STON2: variants seen among roughly 807,000 people sequenced by gnomAD.
STON2 encodes the protein stonin 2.
STON2 carries 29 observed loss-of-function variants against 65.7 expected under a neutral mutation model. The observed-to-expected ratio is 0.44, with a 90% CI of 0.33 to 0.60. The LOEUF is 0.60. Among genes scored for constraint, STON2 ranks in the 20% least tolerant of loss-of-function variants. The probability of loss-of-function intolerance (pLI) is 0.03; values close to 1 mark genes in which losing one functional copy is unlikely to be tolerated. For missense variants in STON2, 1,054 were observed against 1,118.1 expected (o/e 0.94, Z 0.82); for synonymous variants, 404 against 414.2 (o/e 0.98, Z 0.30).
intron 2 of STON2, among the ~76,000 whole-genome samples, chr14:81,424,973 A>T (rs1901895749): frequency 6.6e-6 from 1 of 152,232 alleles, no homozygotes; most frequent in Non-Finnish European, 1.5e-5. Flanking sequence ...ACTGTTACAT[A>T]CATTTGGTCC....
intron 4 of STON2, among the ~76,000 whole-genome samples, chr14:81,358,337 T>C (rs565818877): frequency 3.3e-5 from 5 of 152,266 alleles, no homozygotes; most frequent in Middle Eastern, 6.8e-3. Flanking sequence ...CAACTTGAAA[T>C]AGGCGATCTG....
intron 5 of STON2, among the ~76,000 whole-genome samples, chr14:81,294,186 A>C (rs1895672602): frequency 6.6e-6 from 1 of 152,184 alleles, no homozygotes; most frequent in African/African-American, 2.4e-5. Context: ...TTGAGCAAAA[A>C]TATTTCAGTT....
chr14:81,262,443 T>C lies in STON2; in HGVS notation c.*5971A>G. ...CCATCTATCCCTTTTTACTATGCAATCTTTATTTTTCCTGGAGCTTCTTAC... is the reference window on the plus strand; with the variant it reads ...CCATCTATCCCTTTTTACTATGCAACCTTTATTTTTCCTGGAGCTTCTTAC... On this transcript the variant is annotated 3_prime_UTR_variant, in exon 8 of 8. Transcript: ENST00000614646. The C allele has an allele frequency of 1.0e-6, 1 of 985,350 alleles. No homozygotes were observed. The highest frequency in any genetic ancestry group is 1.2e-6 in the Non-Finnish European group (1 of 829,816). 61.0% of individuals were successfully genotyped at this position (985,350 alleles called of 1,614,324 possible).
intron 5 of STON2, among the ~76,000 whole-genome samples, chr14:81,279,014 T>C (rs1178286665): frequency 6.6e-6 from 1 of 152,232 alleles, no homozygotes; most frequent in African/African-American, 2.4e-5. Context: ...TTGCAATTTA[T>C]ATACTCTTCC....
At chr14:81,298,423 G>A (rs1049146105) in intron 5 of STON2, among the ~76,000 whole-genome samples, 1 of 72,980 alleles carries the variant, frequency 1.4e-5, no homozygotes, top group Non-Finnish European at 3.1e-5. Context: ...ATGGGGGGGG[G>A]GAATCACAGA....
chr14:81,332,485 T>C (rs1256518245), intron 4 of STON2, among the ~76,000 whole-genome samples: 6 of 152,214 alleles, frequency 3.9e-5, no homozygotes, highest in African/African-American at 1.4e-4. Flanking sequence ...GGGATAGAAA[T>C]TCCTGGGAAG....
intron 4 of STON2, among the ~76,000 whole-genome samples, chr14:81,328,809 C>T (rs1269701933): frequency 6.6e-6 from 1 of 152,026 alleles, no homozygotes; most frequent in Non-Finnish European, 1.5e-5. Context: ...CCGGCACCTC[C>T]CCTCTCACTC....
At chr14:81,410,278 CAAAAAAAAAAA>C (rs1161157573) in intron 2 of STON2, among the ~76,000 whole-genome samples, 38 of 45,796 alleles carry the variant, frequency 8.3e-4, no homozygotes, top group Non-Finnish European at 1.7e-3. Flanking sequence ...TAACTCTAAC[CAAAAAAAAAAA>C]AAAAAAAAAA....
intron 2 of STON2, among the ~76,000 whole-genome samples, chr14:81,421,567 G>T (rs1028076617): frequency 6.6e-6 from 1 of 152,226 alleles, no homozygotes; most frequent in Non-Finnish European, 1.5e-5. Context: ...TGTTTTTACA[G>T]CCATTTAGGA....
chr14:81,309,907 A>C (rs79033964), intron 5 of STON2, among the ~76,000 whole-genome samples: 1,714 of 152,314 alleles, frequency 0.011, 43 homozygotes, highest in African/African-American at 0.04. Flanking sequence ...GCTTTCAAAC[A>C]GTTTTATGTT....
intron 4 of STON2, among the ~76,000 whole-genome samples, chr14:81,337,602 G>A (rs976231231): frequency 6.6e-6 from 1 of 152,176 alleles, no homozygotes; most frequent in African/African-American, 2.4e-5. Context: ...CATGAATGGA[G>A]TGAGGGAGTG....
intron 2 of STON2, among the ~76,000 whole-genome samples, chr14:81,396,411 A>G (rs901326738): frequency 6.6e-6 from 1 of 152,230 alleles, no homozygotes; most frequent in Non-Finnish European, 1.5e-5. Context: ...GCAGGCAGAG[A>G]CTAGGAGCCT....
At position 81,276,989 on chromosome 14, in the gene STON2, G is replaced by T; in HGVS notation, c.2493C>A (p.Val831=). The T allele has an allele frequency of 6.2e-7, 1 of 1,614,210 alleles. No individual in the cohort carries two copies. Among genetic ancestry groups the T allele is most frequent in the Non-Finnish European group, 8.5e-7 (1 of 1,180,040 alleles). ...GSTSVSGSEP[V]MRVTLGTAKY... is the part of the protein sequence containing the mutation. ...TGGCAGTTCCCAGAGTTACTCTCATGACAGGCTCAGAGCCAGAAACACTAG... is the reference window on the plus strand; with the variant it reads ...TGGCAGTTCCCAGAGTTACTCTCATTACAGGCTCAGAGCCAGAAACACTAG... Residue 831 remains valine, a synonymous_variant, in exon 6 of 8, where the codon GTC becomes GTA. Transcript: ENST00000614646.
Position 81,298,338 on chromosome 14 carries a change from T to G in STON2, c.743-19599A>C, listed in dbSNP as rs916245225. On this transcript the variant is annotated intron_variant, in intron 5 of 7. Transcript: ENST00000614646. ...TATCTCCAATCCCTATTCCACATCC[T>G]AGGGCTGTCATCCACAGACTAGTCT... is the stretch of plus-strand genomic sequence containing the variant. 2.0e-5 allele frequency among the ~76,000 whole-genome samples: 3 copies of G among 149,058 alleles called. No individual in the cohort carries two copies. The Admixed American group carries it at 2.0e-4, about 10-fold the overall frequency.
At chr14:81,390,653 C>G (rs1181381048) in intron 3 of STON2, among the ~76,000 whole-genome samples, 2 of 152,248 alleles carry the variant, frequency 1.3e-5, no homozygotes, top group Non-Finnish European at 2.9e-5. Context: ...CTAATTCAGA[C>G]TGACTCATTC....
At chr14:81,382,557 G>T (rs936703344) in intron 3 of STON2, among the ~76,000 whole-genome samples, 1 of 152,262 alleles carries the variant, frequency 6.6e-6, no homozygotes, top group Admixed American at 6.5e-5. Flanking sequence ...GGGAGGGAAG[G>T]GGATGTGATG....
At chr14:81,404,056 A>G (rs760159882), upstream of STON2, among the ~76,000 whole-genome samples, 14 of 152,176 alleles carry the variant, frequency 9.2e-5, no homozygotes, top group Non-Finnish European at 1.6e-4. Flanking sequence ...AACCAGCTGA[A>G]TGAATGAATT....
Position 81,398,528 on chromosome 14 carries a change from G to A in STON2, c.-146C>T, listed in dbSNP as rs1171791675. ...GGTGTCTTGCCAAGGGCAGTACTCA[G>A]AATGTAGACAGATCAGCCTCTCTTG... is the stretch of plus-strand genomic sequence containing the variant. On this transcript the variant is annotated 5_prime_UTR_variant, in exon 2 of 8. Coordinates refer to ENST00000614646, the MANE Select transcript of STON2 (RefSeq NM_001394390.1). 5.6e-6 allele frequency: 3 copies of A among 536,168 alleles called. No individual in the cohort carries two copies. In the East Asian group the frequency reaches 9.2e-5, roughly 17 times the overall value. 33.2% of individuals were successfully genotyped at this position (536,168 alleles called of 1,614,324 possible).
chr14:81,341,924 A>G (rs907449321), intron 4 of STON2, among the ~76,000 whole-genome samples: 3 of 152,132 alleles, frequency 2.0e-5, no homozygotes, highest in Non-Finnish European at 4.4e-5. Flanking sequence ...TCCATTCCTC[A>G]TTTTCATTTC....
Sources: allele counts gnomAD v4.1 joint callset (sites outside exome capture counted in the v4.1 genomes callset), GRCh38; gene constraint gnomAD v4.1.1; transcripts MANE v1.5; gene names NCBI Gene and HGNC (gene_info 2026-07-23, HGNC 2026-07-21).